SMURF2: variants seen among roughly 807,000 people sequenced by gnomAD.
SMURF2 encodes E3 ubiquitin-protein ligase SMURF2.
A neutral mutation model predicts 109.6 loss-of-function variants in SMURF2; 48 were observed. The observed-to-expected ratio is 0.44, with a 90% CI of 0.35 to 0.56. SMURF2 has a LOEUF of 0.56. Ranked by LOEUF, SMURF2 falls within the 20% of genes least tolerant of loss-of-function variation. The pLI is 0.01. For synonymous variants in SMURF2, 288 were observed against 317.1 expected (o/e 0.91, Z 0.97); for missense variants, 575 against 909.0 (o/e 0.63, Z 4.72).
At chr17:64,569,982 T>C (rs1969375580) in intron 10 of SMURF2, among the ~76,000 whole-genome samples, 1 of 152,224 alleles carries the variant, frequency 6.6e-6, no homozygotes, top group Non-Finnish European at 1.5e-5. Flanking sequence ...TTCAAATACT[T>C]GCGACCTTCA....
intron 1 of SMURF2, among the ~76,000 whole-genome samples, chr17:64,654,557 C>T (rs909266189): frequency 1.3e-5 from 2 of 152,046 alleles, no homozygotes; most frequent in African/African-American, 4.8e-5. Flanking sequence ...CAGCTGGGTG[C>T]GGTGGCTCAT....
Position 64,615,178 on chromosome 17 carries a change from A to G in SMURF2, c.53-8538T>C, listed in dbSNP as rs117563545. ...ATGTGAATAAAGCTCCCAACTACTTAGTATATCCTTGCCAAAAATTCCCCT... is the reference window on the plus strand; with the variant it reads ...ATGTGAATAAAGCTCCCAACTACTTGGTATATCCTTGCCAAAAATTCCCCT... On this transcript the variant is annotated intron_variant, in intron 1 of 18. Transcript: ENST00000262435. Among the ~76,000 whole-genome samples the G allele has an allele frequency of 9.7e-3, 1,477 of 152,262 alleles. 18 individuals are homozygous for G. The highest frequency in any genetic ancestry group is 0.037 in the Middle Eastern group (11 of 294).
chr17:64,568,508 T>C (rs1969348727), intron 10 of SMURF2, among the ~76,000 whole-genome samples: 1 of 152,188 alleles, frequency 6.6e-6, no homozygotes, highest in Non-Finnish European at 1.5e-5. Context: ...GTCAAGTACT[T>C]TGGGTATGTT....
intron 16 of SMURF2, among the ~76,000 whole-genome samples, chr17:64,548,691 A>G (rs1408285856): frequency 6.6e-6 from 1 of 152,182 alleles, no homozygotes; most frequent in Non-Finnish European, 1.5e-5. Context: ...CCTGGCCTAC[A>G]TTTGCTTAAT....
At chr17:64,643,175 A>C (rs1266544217) in intron 1 of SMURF2, among the ~76,000 whole-genome samples, 16 of 151,888 alleles carry the variant, frequency 1.1e-4, no homozygotes, top group African/African-American at 3.9e-4. Context: ...CAGGCACGTC[A>C]CCATACCCAG....
chr17:64,585,405 G>A (rs1342634791), intron 6 of SMURF2, among the ~76,000 whole-genome samples: 2 of 152,144 alleles, frequency 1.3e-5, no homozygotes, highest in African/African-American at 4.8e-5. Flanking sequence ...AAGACACTGT[G>A]CTAAAGTGCC....
intron 12 of SMURF2, among the ~76,000 whole-genome samples, chr17:64,558,325 G>T (rs1598270309): frequency 6.6e-6 from 1 of 152,054 alleles, no homozygotes; most frequent in African/African-American, 2.4e-5. Flanking sequence ...CTTGAGCCCT[G>T]GAGGTTGAGG....
At chr17:64,650,514 A>G (rs1970622627) in intron 1 of SMURF2, among the ~76,000 whole-genome samples, 1 of 151,736 alleles carries the variant, frequency 6.6e-6, no homozygotes, top group Non-Finnish European at 1.5e-5. Flanking sequence ...CCAATTCTAT[A>G]CTCTCCACAA....
chr17:64,571,384 A>G (rs782814966), intron 10 of SMURF2, among the ~76,000 whole-genome samples: 1 of 151,930 alleles, frequency 6.6e-6, no homozygotes, highest in Non-Finnish European at 1.5e-5. Context: ...ATAAAAGTAA[A>G]TTATAACTGA....
At chr17:64,625,407 T>A (rs1970254242) in intron 1 of SMURF2, among the ~76,000 whole-genome samples, 1 of 152,250 alleles carries the variant, frequency 6.6e-6, no homozygotes. Flanking sequence ...TGTTTTCAAA[T>A]GTTAGTCCTA....
At position 64,581,813 on chromosome 17, in the gene SMURF2, C is replaced by T. The variant is rs1262551818; in HGVS notation, c.570-822G>A. Among the ~76,000 whole-genome samples, 4 of 151,812 alleles carry T rather than the reference C, an allele frequency of 2.6e-5. No homozygotes were observed. The highest frequency in any genetic ancestry group is 1.9e-4 in the East Asian group (1 of 5,154). On this transcript the variant is annotated intron_variant, in intron 7 of 18. Transcript: ENST00000262435. This position sits in a 1 kb window ranked among gnomAD's most constrained non-coding sequence, Gnocchi z 4.3. ...TACAAAAATTAGCCGGGTGTGGGGG[C>T]GGGCGCCTGTAGTCCCAGCTACTCG...
At chr17:64,649,004 T>C (rs1295176197) in intron 1 of SMURF2, among the ~76,000 whole-genome samples, 1 of 152,204 alleles carries the variant, frequency 6.6e-6, no homozygotes, top group African/African-American at 2.4e-5. Context: ...ATCAGTGTTT[T>C]CTTCTTCACT....
In SMURF2 at chr17:64,547,125, T is replaced by C. The variant is rs561614654; in HGVS notation, c.2071+475A>G. Among the ~76,000 whole-genome samples, 1 of 152,316 alleles carries C rather than the reference T, an allele frequency of 6.6e-6. No homozygotes were observed. The highest frequency in any genetic ancestry group is 2.4e-5 in the African/African-American group (1 of 41,556). ...ACCATTCTTAAAAAAGGAATATGGT[T>C]GTAAACAAATGGTCTGATGCCATGC... On this transcript the variant is annotated intron_variant, in intron 17 of 18. Transcript: ENST00000262435. This position sits in a 1 kb window ranked among gnomAD's most constrained non-coding sequence, Gnocchi z 4.2.
intron 6 of SMURF2, among the ~76,000 whole-genome samples, chr17:64,583,859 G>A (rs1969609644): frequency 6.7e-6 from 1 of 149,236 alleles, no homozygotes; most frequent in Non-Finnish European, 1.5e-5. Flanking sequence ...GCTATACTAA[G>A]AATATATTTA....
chr17:64,601,547 A>G (rs1969896016), intron 2 of SMURF2, among the ~76,000 whole-genome samples: 1 of 152,194 alleles, frequency 6.6e-6, no homozygotes, highest in African/African-American at 2.4e-5. Flanking sequence ...ATTTAAAAAT[A>G]ACAGATGTTG....
At position 64,547,385 on chromosome 17, in the gene SMURF2, C is replaced by T. The variant is rs568440734; in HGVS notation, c.2071+215G>A. 1.1e-4 allele frequency among the ~76,000 whole-genome samples: 17 copies of T among 152,190 alleles called. No homozygotes were observed. The highest frequency in any genetic ancestry group is 3.4e-4 in the African/African-American group (14 of 41,500). ...ATCACCACGTACGGTCTCTAGCATG[C>T]GGCACTCACTACAATCAGAGAAGCC... On this transcript the variant is annotated intron_variant, in intron 17 of 18. Coordinates refer to ENST00000262435, the MANE Select transcript of SMURF2 (RefSeq NM_022739.4). This position sits in a 1 kb window ranked among gnomAD's most constrained non-coding sequence, Gnocchi z 4.2.
chr17:64,595,221 CT>C (rs1555688000), intron 3 of SMURF2, among the ~76,000 whole-genome samples: 1 of 152,090 alleles, frequency 6.6e-6, no homozygotes, highest in African/African-American at 2.4e-5. Context: ...AATTATAGAC[CT>C]TCTGGAAGAT....
At chr17:64,610,461 C>G (rs1323856926) in intron 1 of SMURF2, among the ~76,000 whole-genome samples, 1 of 152,152 alleles carries the variant, frequency 6.6e-6, no homozygotes, top group Non-Finnish European at 1.5e-5. Flanking sequence ...TTTGCAGGGA[C>G]ATGGATGAGG....
rs782767792 is a variant in SMURF2 at position 64,571,898 on chromosome 17, G to A, written c.916C>T (p.Arg306Cys). ...TAAACTCTGCCTGTTGCCGTATTAC[G>A]GATCTCCCATCCAGGAGGCAATGGA... ...LGPLPPGWEI[R>C]NTATGRVYFV... Residue 306 changes from arginine (R) to cysteine (C), a missense_variant, in exon 10 of 19, where the codon CGT becomes TGT. By Grantham distance (180) the Arg-to-Cys change is radical (BLOSUM62 -3). Transcript: ENST00000262435. The A allele has an allele frequency of 5.6e-6, 9 of 1,613,752 alleles. No homozygotes were observed. Among genetic ancestry groups the A allele is most frequent in the South Asian group, 1.1e-5 (1 of 90,974 alleles).
Sources: gnomAD v4.1 joint callset for allele counts (sites outside exome capture counted in the v4.1 genomes callset) on GRCh38, gnomAD v4.1.1 for gene constraint, Gnocchi (gnomAD v3.1) non-coding constraint, MANE v1.5 for transcripts, NCBI Gene and HGNC (gene_info 2026-07-23, HGNC 2026-07-21) for gene names.